NPAS3: variants seen among roughly 807,000 people sequenced by gnomAD.
NPAS3 encodes the protein neuronal PAS domain-containing protein 3.
In NPAS3, 14 loss-of-function variants were observed where a neutral mutation model predicts 73.1. The ratio of observed to expected loss-of-function variants is 0.19; its 90% CI spans 0.13 to 0.30. The LOEUF (loss-of-function observed/expected upper bound fraction) is 0.30. NPAS3 is among the 10% of genes least tolerant of loss of function. The pLI, the probability that NPAS3 is intolerant of heterozygous loss-of-function variation, is 1.00. For synonymous variants in NPAS3, 620 were observed against 541.5 expected (o/e 1.14, Z -2.01); for missense variants, 1,096 against 1,250.0 (o/e 0.88, Z 1.86).
chr14:32,965,965 A>T lies in NPAS3; in HGVS notation c.50+26599A>T, dbSNP rs140957723. ...GAAATCAATCACGTTTACAATAGAT[A>T]AAAAAAATCTAGGAATAAATATAAC... On this transcript the variant is annotated intron_variant, in intron 1 of 11. Transcript: ENST00000356141. 1.1e-3 allele frequency among the ~76,000 whole-genome samples: 173 copies of T among 152,166 alleles called. No individual in the cohort carries two copies. The East Asian group carries it at 0.015, about 13-fold the overall frequency.
intron 6 of NPAS3, among the ~76,000 whole-genome samples, chr14:33,721,316 A>G (rs61973009): frequency 0.36 from 54,568 of 152,060 alleles, 10,874 homozygotes; most frequent in Non-Finnish European, 0.46. Flanking sequence ...TGGCGTCAAC[A>G]ACAAAAAAAC....
At chr14:33,579,621 T>C (rs2139868925) in intron 5 of NPAS3, among the ~76,000 whole-genome samples, 1 of 152,280 alleles carries the variant, frequency 6.6e-6, no homozygotes, top group Middle Eastern at 3.4e-3. Flanking sequence ...GTTTCCCTGT[T>C]CAGTTGTGCA....
At chr14:33,543,995 A>ATATATG (rs2054656931) in intron 4 of NPAS3, among the ~76,000 whole-genome samples, 1 of 121,456 alleles carries the variant, frequency 8.2e-6, no homozygotes, top group East Asian at 2.5e-4. Flanking sequence ...ATATATATAT[A>ATATATG]TATATATCTA....
At chr14:33,293,136 T>C (rs1221494857) in intron 3 of NPAS3, among the ~76,000 whole-genome samples, 2 of 152,200 alleles carry the variant, frequency 1.3e-5, no homozygotes, top group African/African-American at 4.8e-5. Flanking sequence ...CATGTTGCTC[T>C]TGACGAACCC....
intron 5 of NPAS3, among the ~76,000 whole-genome samples, chr14:33,673,158 G>A (rs539748199): frequency 1.4e-4 from 21 of 152,198 alleles, no homozygotes; most frequent in Admixed American, 3.9e-4. Flanking sequence ...GGTGTTCAGT[G>A]TTCTTTCCTG....
chr14:33,065,561 C>T (rs977731505), intron 2 of NPAS3, among the ~76,000 whole-genome samples: 1 of 151,976 alleles, frequency 6.6e-6, no homozygotes, highest in Admixed American at 6.6e-5. Context: ...AAATTTGAGA[C>T]GTTGTGATTC....
intron 3 of NPAS3, among the ~76,000 whole-genome samples, chr14:33,333,811 A>C (rs1216467717): frequency 2.6e-5 from 4 of 152,206 alleles, no homozygotes; most frequent in Non-Finnish European, 5.9e-5. Flanking sequence ...ACTTATAAAC[A>C]CTGGCATGGC....
intron 3 of NPAS3, among the ~76,000 whole-genome samples, chr14:33,238,830 A>C (rs1162690165): frequency 1.3e-5 from 2 of 151,958 alleles, no homozygotes; most frequent in Non-Finnish European, 2.9e-5. Flanking sequence ...ATGCCATATA[A>C]AATGAATATG....
intron 4 of NPAS3, among the ~76,000 whole-genome samples, chr14:33,493,133 A>G (rs887453140): frequency 6.6e-6 from 1 of 152,156 alleles, no homozygotes; most frequent in African/African-American, 2.4e-5. Flanking sequence ...TTGACAAGCC[A>G]GTTTATACTT....
At chr14:33,670,788 C>T (rs2183275) in intron 5 of NPAS3, among the ~76,000 whole-genome samples, 98,634 of 151,664 alleles carry the variant, frequency 0.65, 32,135 homozygotes, top group East Asian at 0.74. Context: ...CAGAGTCCTC[C>T]CTCAGGAATG....
chr14:33,516,360 C>T (rs1031303209), intron 4 of NPAS3, among the ~76,000 whole-genome samples: 1 of 152,168 alleles, frequency 6.6e-6, no homozygotes, highest in Non-Finnish European at 1.5e-5. Context: ...GCATTCTTTA[C>T]TTGCTTAGTC....
Position 33,004,817 on chromosome 14 carries a change from C to CTTTTTTTTTTTTTTTTTTTTTTTT in NPAS3, c.51-51069_51-51068insTTTTTTTTTTTTTTTTTTTTTTTT. On this transcript the variant is annotated intron_variant, in intron 1 of 11. Transcript: ENST00000356141. ...CTTTTTTCTATTGTAAAAAGTTTTC[C>CTTTTTTTTTTTTTTTTTTTTTTTT]TTTTTTTTTTTTTTTTTTTAGTTTT... Among the ~76,000 whole-genome samples, 370 of 63,846 alleles carry CTTTTTTTTTTTTTTTTTTTTTTTT rather than the reference C, an allele frequency of 5.8e-3. 48 individuals are homozygous for CTTTTTTTTTTTTTTTTTTTTTTTT. Among genetic ancestry groups the CTTTTTTTTTTTTTTTTTTTTTTTT allele is most frequent in the East Asian group, 0.011 (23 of 2,020 alleles). 41.9% of individuals were successfully genotyped at this position (63,846 alleles called of 152,430 possible).
At chr14:33,305,581 A>G (rs2042722252) in intron 3 of NPAS3, among the ~76,000 whole-genome samples, 1 of 152,114 alleles carries the variant, frequency 6.6e-6, no homozygotes, top group Non-Finnish European at 1.5e-5. Flanking sequence ...CTGGTTATAT[A>G]TTTACTATAC....
At chr14:33,137,726 A>G (rs1357018684) in intron 2 of NPAS3, among the ~76,000 whole-genome samples, 1 of 152,302 alleles carries the variant, frequency 6.6e-6, no homozygotes, top group East Asian at 1.9e-4. Context: ...ATTTAAATTT[A>G]ACATCTCAAG....
chr14:33,378,519 C>T (rs1026671672), intron 4 of NPAS3, among the ~76,000 whole-genome samples: 44 of 152,096 alleles, frequency 2.9e-4, no homozygotes, highest in African/African-American at 9.2e-4. Flanking sequence ...GCTTGTAATC[C>T]CAGCCACTCG....
intron 7 of NPAS3, among the ~76,000 whole-genome samples, chr14:33,757,522 G>A (rs1012736921): frequency 6.6e-6 from 1 of 152,192 alleles, no homozygotes; most frequent in South Asian, 2.1e-4. Context: ...GGATGGACCA[G>A]AGTGGGGAAG....
At chr14:33,248,136 C>G (rs1433208149) in intron 3 of NPAS3, among the ~76,000 whole-genome samples, 2 of 152,180 alleles carry the variant, frequency 1.3e-5, no homozygotes, top group African/African-American at 4.8e-5. Context: ...AACTGCTTAC[C>G]TTTTCACAGT....
At chr14:33,244,543 T>G (rs2048316027) in intron 3 of NPAS3, among the ~76,000 whole-genome samples, 1 of 152,104 alleles carries the variant, frequency 6.6e-6, no homozygotes, top group South Asian at 2.1e-4. Flanking sequence ...ATCTGCAAAT[T>G]TTTTTGGTAG....
chr14:32,960,191 G>A (rs1022769741), intron 1 of NPAS3, among the ~76,000 whole-genome samples: 1 of 151,982 alleles, frequency 6.6e-6, no homozygotes, highest in African/African-American at 2.4e-5. Context: ...TTGTATTTAT[G>A]TAGTTTTTTT....
Sources: allele counts gnomAD v4.1 joint callset (sites outside exome capture counted in the v4.1 genomes callset), GRCh38; gene constraint gnomAD v4.1.1; transcripts MANE v1.5; gene names NCBI Gene and HGNC (gene_info 2026-07-23, HGNC 2026-07-21).